Variants in MAPT observed in about 807,000 individuals in gnomAD.
MAPT encodes the protein microtubule associated protein tau.
A neutral mutation model predicts 67.9 loss-of-function variants in MAPT; 34 were observed. That is an observed-to-expected ratio of 0.50 (90% CI 0.38 to 0.67). The LOEUF (loss-of-function observed/expected upper bound fraction) is 0.67, where lower values mean the gene tolerates loss of function less well. MAPT is among the 30% of genes least tolerant of loss of function. The pLI, the probability that MAPT is intolerant of heterozygous loss-of-function variation, is 0.00. For missense variants in MAPT, 881 were observed against 1,115.2 expected (o/e 0.79, Z 2.99); for synonymous variants, 456 against 464.5 (o/e 0.98, Z 0.23).
At chr17:45,907,154 T>C (rs2064372429) in intron 1 of MAPT, among the ~76,000 whole-genome samples, 1 of 152,000 alleles carries the variant, frequency 6.6e-6, no homozygotes, top group Non-Finnish European at 1.5e-5. Context: ...TTGGCTCACC[T>C]CCCTGCCCAG....
chr17:46,014,149 C>A (rs2076003200), intron 10 of MAPT, 94 bp from the exon 11 acceptor site: 1 of 765,952 alleles, frequency 1.3e-6, no homozygotes, highest in Non-Finnish European at 2.3e-6. Context: ...TTGAGTTACA[C>A]CCTTAATAAA....
chr17:45,974,683 T>A, intron 3 of MAPT: 1 of 585,178 alleles, frequency 1.7e-6, no homozygotes, highest in South Asian at 2.0e-5. Context: ...CTCAGAGCAT[T>A]TAGGGCCTTC....
chr17:45,943,211 G>C (rs2068152571), intron 1 of MAPT, among the ~76,000 whole-genome samples: 1 of 152,304 alleles, frequency 6.6e-6, no homozygotes, highest in Admixed American at 6.5e-5. Flanking sequence ...GCACCATCGT[G>C]CCTAGCTAAA....
At chr17:46,022,706 T>A (rs1215138116) in intron 12 of MAPT, among the ~76,000 whole-genome samples, 2 of 152,206 alleles carry the variant, frequency 1.3e-5, no homozygotes, top group Non-Finnish European at 2.9e-5. Context: ...CAGTGAACAC[T>A]TTCTGCTTCT....
At chr17:45,963,757 AGGTCCCC>A (rs2070722702) in intron 2 of MAPT, among the ~76,000 whole-genome samples, 1 of 152,068 alleles carries the variant, frequency 6.6e-6, no homozygotes, top group African/African-American at 2.4e-5. Flanking sequence ...GGTCTCTGGG[AGGTCCCC>A]TGAGTGTGGG....
intron 1 of MAPT, among the ~76,000 whole-genome samples, chr17:45,918,986 C>T (rs1188563398): frequency 1.3e-5 from 2 of 151,342 alleles, no homozygotes; most frequent in South Asian, 2.1e-4. Flanking sequence ...TGCTTGAGCC[C>T]GGGAGGTGGA....
intron 1 of MAPT, among the ~76,000 whole-genome samples, chr17:45,926,380 C>T (rs2066290357): frequency 6.6e-6 from 1 of 152,052 alleles, no homozygotes. Context: ...GTGATCATGG[C>T]TCTCTTCAAA....
rs1449328820 is a variant in MAPT at position 45,996,288 on chromosome 17, G to T, written c.1733-111G>T. 8.0e-7 allele frequency: 1 copy of T among 1,252,926 alleles called. No homozygotes were observed. Among genetic ancestry groups the T allele is most frequent in the East Asian group, 2.3e-5 (1 of 43,044 alleles). The allele number at this position is 1,252,926 out of a possible 1,614,324, so 77.6% of individuals were successfully genotyped here. A position where few individuals can be genotyped will look rare whatever the true frequency, so the allele number is the denominator to read the frequency against. ...TGCGCTTCCAACCTGGCTTCCACCT[G>T]CCTAACCCAGTGGTGAGCCTGGGAA... On this transcript the variant is annotated intron_variant, in intron 8 of 12. Coordinates refer to ENST00000262410, the MANE Select transcript of MAPT (RefSeq NM_001377265.1). The surrounding 1 kb of genome is among the most constrained non-coding windows in gnomAD (Gnocchi z 4.5).
chr17:45,904,270 A>T (rs1468910245), intron 1 of MAPT, among the ~76,000 whole-genome samples: 3 of 47,136 alleles, frequency 6.4e-5, no homozygotes, highest in African/African-American at 1.3e-4. Flanking sequence ...TATTATATAT[A>T]TTTTTATATA....
At chr17:45,939,435 T>G (rs532792536) in intron 1 of MAPT, among the ~76,000 whole-genome samples, 1 of 152,330 alleles carries the variant, frequency 6.6e-6, no homozygotes, top group South Asian at 2.1e-4. Flanking sequence ...TGCAGCATCT[T>G]ATCTCATTTT....
rs886053039 is a variant in MAPT, at chr17:46,026,060, T to G, written c.*1889T>G. ...TTGGATTTGTCTGTTTATGCTTGGA[T>G]TCACCAGAGTGACTATGATAGTGAA... On this transcript the variant is annotated 3_prime_UTR_variant, in exon 13 of 13. Coordinates refer to ENST00000262410, the MANE Select transcript of MAPT (RefSeq NM_001377265.1). 1.0e-4 allele frequency: 15 copies of G among 149,938 alleles called. No homozygotes were observed. Among genetic ancestry groups the G allele is most frequent in the Admixed American group, 2.7e-4 (4 of 14,756 alleles). The allele number at this position is 149,938 out of a possible 1,614,324, so 9.3% of individuals were successfully genotyped here.
intron 1 of MAPT, among the ~76,000 whole-genome samples, chr17:45,936,529 T>C (rs2067345166): frequency 4.6e-5 from 7 of 152,252 alleles, no homozygotes; most frequent in Admixed American, 4.6e-4. Flanking sequence ...TGGACATGTC[T>C]GAAGCAGCTC....
chr17:45,907,994 T>G (rs2064448117), intron 1 of MAPT: 1 of 152,386 alleles, frequency 6.6e-6, no homozygotes, highest in African/African-American at 2.4e-5. Flanking sequence ...CTGGTTCTAC[T>G]GCCTGTGCTA....
chr17:45,980,698 A>G (rs1225129892), intron 4 of MAPT, among the ~76,000 whole-genome samples: 1 of 152,022 alleles, frequency 6.6e-6, no homozygotes, highest in Non-Finnish European at 1.5e-5. Context: ...AAAGTCTTGT[A>G]TTATATCAGA....
chr17:45,950,070 A>G (rs1194641372), intron 1 of MAPT, among the ~76,000 whole-genome samples: 2 of 151,320 alleles, frequency 1.3e-5, no homozygotes, highest in Admixed American at 1.3e-4. Flanking sequence ...GAGGGCAGGG[A>G]TGTGTGTTGG....
chr17:45,993,642 G>A (rs1285467590), intron 8 of MAPT, among the ~76,000 whole-genome samples: 3 of 152,208 alleles, frequency 2.0e-5, no homozygotes, highest in African/African-American at 7.2e-5. Flanking sequence ...TCGAACTCCT[G>A]ACCTCAAGTG....
Position 46,004,585 on chromosome 17 carries a change from A to G in MAPT, c.1999-5725A>G, listed in dbSNP as rs940340917. On this transcript the variant is annotated intron_variant, in intron 9 of 12. Transcript: ENST00000262410. The stretch of plus-strand genomic sequence containing the variant: ...TCAGGATTCTGATTTCATAATGACA[A>G]CCATTCCTCTTTTCTCTCCCTTCTG... 9.9e-5 allele frequency among the ~76,000 whole-genome samples: 15 copies of G among 152,208 alleles called. 1 individual carries two copies. The highest frequency in any genetic ancestry group is 3.4e-4 in the African/African-American group (14 of 41,516).
rs969309876 is a variant in MAPT, at chr17:45,995,431, C to T, written c.1733-968C>T. Among the ~76,000 whole-genome samples the T allele has an allele frequency of 2.0e-5, 3 of 152,216 alleles. No homozygotes were observed. The highest frequency in any genetic ancestry group is 2.9e-5 in the Non-Finnish European group (2 of 68,040). ...TTTGCATTTTGCAACTCCCACTTTC[C>T]TCCTTGAAAGCTCCGGAGATTCTGA... On this transcript the variant is annotated intron_variant, in intron 8 of 12. Coordinates refer to ENST00000262410, the MANE Select transcript of MAPT (RefSeq NM_001377265.1). The surrounding 1 kb of genome is among the most constrained non-coding windows in gnomAD (Gnocchi z 4.3).
At position 46,024,266 on chromosome 17, in the gene MAPT, C is replaced by A. The variant is rs767268996; in HGVS notation, c.*95C>A. The A allele has an allele frequency of 3.3e-5, 37 of 1,127,576 alleles. No homozygotes were observed. Among genetic ancestry groups the A allele is most frequent in the Non-Finnish European group, 4.8e-5 (37 of 765,210 alleles). 69.8% of individuals were successfully genotyped at this position (1,127,576 alleles called of 1,614,324 possible). ...TGACCCGGCCCCCGCCCTCTGCCCC[C>A]AGCTGCTCCTCGCAGTTCGGTTAAT... On this transcript the variant is annotated 3_prime_UTR_variant, in exon 13 of 13. Transcript: ENST00000262410.
Sources: allele counts gnomAD v4.1 joint callset (sites outside exome capture counted in the v4.1 genomes callset), GRCh38; gene constraint gnomAD v4.1.1; non-coding constraint Gnocchi (gnomAD v3.1); transcripts MANE v1.5; gene names NCBI Gene and HGNC (gene_info 2026-07-23, HGNC 2026-07-21).